The following PUM3 variants were observed in gnomAD, a reference collection of about 807,000 sequenced individuals.
The protein encoded by PUM3 is pumilio homolog 3.
A neutral mutation model predicts 84.0 loss-of-function variants in PUM3; 91 were observed. The ratio of observed to expected loss-of-function variants is 1.08; its 90% confidence interval spans 0.91 to 1.29. The LOEUF (loss-of-function observed/expected upper bound fraction) is 1.29. Ranked by LOEUF, PUM3 falls within the 50% of genes most tolerant of loss-of-function variation. The pLI is 0.00. For synonymous variants in PUM3, 321 were observed against 266.7 expected (o/e 1.20, Z -1.98); for missense variants, 1,067 against 767.5 (o/e 1.39, Z -4.61).
chr9:2,840,468 G>A (rs1004872874), intron 1 of PUM3, among the ~76,000 whole-genome samples: 3 of 152,082 alleles, frequency 2.0e-5, no homozygotes, highest in Non-Finnish European at 4.4e-5. Context: ...AGCATTTGTC[G>A]GTGGATATCG....
At chr9:2,813,064 A>G (rs565093319) in intron 13 of PUM3, among the ~76,000 whole-genome samples, 4 of 152,370 alleles carry the variant, frequency 2.6e-5, no homozygotes, top group East Asian at 1.9e-4. Context: ...AGCTACCGCA[A>G]TGAAAAACAA....
intron 13 of PUM3, among the ~76,000 whole-genome samples, chr9:2,819,696 A>G (rs943882613): frequency 4.6e-5 from 7 of 152,196 alleles, no homozygotes; most frequent in Admixed American, 3.9e-4. Flanking sequence ...TCATATCTAA[A>G]TATCACTTTG....
chr9:2,805,116 G>T (rs1040457088), intron 17 of PUM3, among the ~76,000 whole-genome samples: 4 of 152,204 alleles, frequency 2.6e-5, no homozygotes, highest in Non-Finnish European at 4.4e-5. Flanking sequence ...TGTAGAATGG[G>T]ATTCACAACA....
intron 2 of PUM3, among the ~76,000 whole-genome samples, chr9:2,837,927 G>C (rs2129886897): frequency 6.6e-6 from 1 of 152,200 alleles, no homozygotes; most frequent in Non-Finnish European, 1.5e-5. Flanking sequence ...AAAAACTTTT[G>C]ATCAAGAAGG....
Position 2,831,231 on chromosome 9 carries a change from C to G in PUM3, c.610+20G>C. 2 of 1,445,214 alleles carry G rather than the reference C, an allele frequency of 1.4e-6. No homozygotes were observed. The highest frequency in any genetic ancestry group is 2.4e-5 in the South Asian group (2 of 84,852). The allele number at this position is 1,445,214 out of a possible 1,614,324, so 89.5% of individuals were successfully genotyped here. On this transcript the variant is annotated intron_variant, in intron 6 of 17. Transcript: ENST00000397885. ...GACTTATTGCAAATGATAACATAAT[C>G]TTTAGTATGTAATAAATACCTCGCA...
intron 2 of PUM3, among the ~76,000 whole-genome samples, chr9:2,837,806 T>C (rs1000100594): frequency 1.3e-5 from 2 of 152,174 alleles, no homozygotes; most frequent in African/African-American, 4.8e-5. Context: ...AGAAATGACT[T>C]CTTGAACATT....
In PUM3 at chr9:2,810,407, C is replaced by T. The variant is rs1435155115; in HGVS notation, c.1660G>A (p.Gly554Arg). The change falls in exon 16 of 18, where the codon GGA (glycine) becomes AGA (arginine). Residue 554 changes from glycine to arginine, a missense_variant. Gly to Arg is a moderately radical substitution (Grantham distance 125). Transcript: ENST00000397885. ...GELHIAEHPA[G>R]HLVLKWLIEQ... ...ATTAACCACTTCAGAACTAGATGTC[C>T]TGCAGGATGTTCTGCAATGTGAAGC... is the stretch of plus-strand genomic sequence containing the variant. 11 of 1,611,090 alleles carry T rather than the reference C, an allele frequency of 6.8e-6. No individual in the cohort carries two copies. The East Asian group carries it at 2.2e-4, about 33-fold the overall frequency.
chr9:2,805,134 C>T (rs1821234574), intron 17 of PUM3, among the ~76,000 whole-genome samples: 1 of 152,212 alleles, frequency 6.6e-6, no homozygotes, highest in Admixed American at 6.5e-5. Context: ...ACAGAGTCCA[C>T]CTTCCACCTC....
chr9:2,837,429 A>G (rs748654825), intron 2 of PUM3, 28 bp from the exon 3 acceptor site: 2 of 1,462,098 alleles, frequency 1.4e-6, no homozygotes, highest in East Asian at 4.5e-5. Context: ...TATAAGTTCA[A>G]TGATTCTGGG....
intron 13 of PUM3, among the ~76,000 whole-genome samples, chr9:2,813,600 T>G (rs1030729102): frequency 6.6e-6 from 1 of 152,188 alleles, no homozygotes; most frequent in Non-Finnish European, 1.5e-5. Flanking sequence ...GGGAATTCTC[T>G]CTGAGATGAT....
intron 17 of PUM3, among the ~76,000 whole-genome samples, chr9:2,807,509 G>A (rs939233184): frequency 6.0e-5 from 9 of 149,072 alleles, no homozygotes; most frequent in African/African-American, 2.2e-4. Context: ...AGGCTGAGAT[G>A]GGAGGAAAAC....
rs776719805 is a variant in PUM3 at position 2,807,836 on chromosome 9, G to A, written c.1792C>T (p.Arg598Ter). 50 of 1,613,058 alleles carry A rather than the reference G, an allele frequency of 3.1e-5. No individual in the cohort carries two copies. Among genetic ancestry groups the A allele is most frequent in the Middle Eastern group, 1.7e-4 (1 of 6,042 alleles). ...KNLKSWASVN[R>*]GAIILSSLLQ... ...TACCTAGAAAGAATAATGGCACCTC[G>A]ATTTACACTAGCCCAGGACTTCAGG... The change falls in exon 17 of 18, where the codon CGA becomes TGA. Residue 598 changes from arginine to a stop codon, truncating the protein, a stop_gained. Transcript: ENST00000397885. LOFTEE classifies it high-confidence loss of function.
At chr9:2,814,234 C>T (rs575992668) in intron 13 of PUM3, among the ~76,000 whole-genome samples, 5 of 149,910 alleles carry the variant, frequency 3.3e-5, no homozygotes, top group Admixed American at 2.0e-4. Flanking sequence ...TTTTTTGAGA[C>T]GGAATCTCAC....
At chr9:2,819,904 TACTG>T in intron 13 of PUM3, 110 bp downstream of exon 13, 1 of 573,932 alleles carries the variant, frequency 1.7e-6, no homozygotes, top group Non-Finnish European at 3.1e-6. Context: ...TAAGCAAAAA[TACTG>T]ATAGAAGGCA....
At chr9:2,823,159 G>C (rs919192435) in intron 12 of PUM3, among the ~76,000 whole-genome samples, 28 of 151,862 alleles carry the variant, frequency 1.8e-4, no homozygotes, top group Admixed American at 3.9e-4. Context: ...CATAGCAACA[G>C]CATGAAAAAT....
At chr9:2,842,720 A>C (rs1428200898) in intron 1 of PUM3, among the ~76,000 whole-genome samples, 1 of 152,070 alleles carries the variant, frequency 6.6e-6, no homozygotes, top group Non-Finnish European at 1.5e-5. Flanking sequence ...TTGGGGTCCA[A>C]ACTTGTGTAT....
chr9:2,829,087 T>C (rs1224736235), intron 8 of PUM3, among the ~76,000 whole-genome samples: 1 of 152,248 alleles, frequency 6.6e-6, no homozygotes, highest in Admixed American at 6.5e-5. Flanking sequence ...TGCCACCATA[T>C]GTTTTATAAT....
In PUM3 at chr9:2,804,299, A is replaced by C. The variant is rs1401941529; in HGVS notation, c.*32T>G. 1 of 1,603,304 alleles carries C rather than the reference A, an allele frequency of 6.2e-7. No homozygotes were observed. Among genetic ancestry groups the C allele is most frequent in the East Asian group, 2.2e-5 (1 of 44,778 alleles). Reference sequence around the variant, plus strand: ...GGGAAACAGAACAGAGAACAGAAAAAATCATTCCATCTTGCTCTTAACTCT... The same window carrying C: ...GGGAAACAGAACAGAGAACAGAAAACATCATTCCATCTTGCTCTTAACTCT... On this transcript the variant is annotated 3_prime_UTR_variant, in exon 18 of 18. Coordinates refer to ENST00000397885, the MANE Select transcript of PUM3 (RefSeq NM_014878.5).
intron 17 of PUM3, among the ~76,000 whole-genome samples, chr9:2,806,863 G>A (rs1821268365): frequency 6.6e-6 from 1 of 152,160 alleles, no homozygotes; most frequent in African/African-American, 2.4e-5. Flanking sequence ...AATTAGGCAT[G>A]ATTTAAAAGT....
Sources: allele counts gnomAD v4.1 joint callset (sites outside exome capture counted in the v4.1 genomes callset), GRCh38; gene constraint gnomAD v4.1.1; transcripts MANE v1.5; gene names NCBI Gene and HGNC (gene_info 2026-07-23, HGNC 2026-07-21).